NWD2: variants seen among roughly 807,000 people sequenced by gnomAD.
NWD2 encodes NACHT and WD repeat domain containing 2.
NWD2 carries 37 observed loss-of-function variants against 132.7 expected under a neutral mutation model. That is an observed-to-expected ratio of 0.28 (90% CI 0.21 to 0.37). NWD2 has a LOEUF of 0.37. NWD2 is among the 10% of genes least tolerant of loss of function. The probability of loss-of-function intolerance (pLI) is 1.00; values close to 1 mark genes in which losing one functional copy is unlikely to be tolerated. For missense variants in NWD2, 1,592 were observed against 2,122.4 expected, an observed-to-expected ratio of 0.75 and a Z score of 4.91; for synonymous variants, 705 against 803.0, an observed-to-expected ratio of 0.88 and a Z score of 2.06.
At chr4:37,259,377 G>A (rs1440283420) in intron 1 of NWD2, among the ~76,000 whole-genome samples, 4 of 152,112 alleles carry the variant, frequency 2.6e-5, no homozygotes, top group South Asian at 2.1e-4. Flanking sequence ...CAATATTGTG[G>A]TACAGTATTA....
intron 3 of NWD2, among the ~76,000 whole-genome samples, chr4:37,360,774 C>T (rs1298423110): frequency 1.3e-5 from 2 of 152,162 alleles, no homozygotes; most frequent in Non-Finnish European, 2.9e-5. Flanking sequence ...TGCTAATTCT[C>T]TCATTATCTC....
intron 1 of NWD2, among the ~76,000 whole-genome samples, chr4:37,286,828 TCTTAA>T (rs1235763355): frequency 2.6e-5 from 4 of 152,008 alleles, no homozygotes; most frequent in Non-Finnish European, 5.9e-5. Flanking sequence ...TTCTCACAAA[TCTTAA>T]CTTAGTTTAA....
At chr4:37,370,462 G>T (rs1189483450) in intron 3 of NWD2, among the ~76,000 whole-genome samples, 2 of 152,072 alleles carry the variant, frequency 1.3e-5, no homozygotes, top group Non-Finnish European at 2.9e-5. Context: ...TTATTTTCTT[G>T]CCCCAAAATG....
At chr4:37,318,474 T>G (rs948101353) in intron 1 of NWD2, among the ~76,000 whole-genome samples, 1 of 152,192 alleles carries the variant, frequency 6.6e-6, no homozygotes, top group African/African-American at 2.4e-5. Context: ...GGGACACATG[T>G]GCAGGTTTGT....
At chr4:37,318,482 T>C (rs912662687) in intron 1 of NWD2, among the ~76,000 whole-genome samples, 1 of 152,202 alleles carries the variant, frequency 6.6e-6, no homozygotes, top group Non-Finnish European at 1.5e-5. Flanking sequence ...TGTGCAGGTT[T>C]GTTACCTGGG....
chr4:37,267,827 G>A (rs1717788047), intron 1 of NWD2, among the ~76,000 whole-genome samples: 1 of 151,832 alleles, frequency 6.6e-6, no homozygotes, highest in Non-Finnish European at 1.5e-5. Context: ...CTTCATGTCT[G>A]TTGAGGGGGA....
At chr4:37,273,825 T>G (rs1261688021) in intron 1 of NWD2, among the ~76,000 whole-genome samples, 1 of 152,138 alleles carries the variant, frequency 6.6e-6, no homozygotes, top group African/African-American at 2.4e-5. Context: ...TGCTCCTGAA[T>G]GACTACTGGG....
intron 3 of NWD2, among the ~76,000 whole-genome samples, chr4:37,406,379 G>C (rs1721043435): frequency 6.6e-6 from 1 of 151,886 alleles, no homozygotes; most frequent in Admixed American, 6.6e-5. Flanking sequence ...AAGAATTCTT[G>C]CCTTAAAAAA....
rs146743737 is a variant in NWD2, at chr4:37,253,885, G to C, written c.151+8667G>C. Among the ~76,000 whole-genome samples, 682 of 152,262 alleles carry C rather than the reference G, an allele frequency of 4.5e-3. 4 individuals are homozygous for C. Among genetic ancestry groups the C allele is most frequent in the African/African-American group, 0.014 (584 of 41,546 alleles). On this transcript the variant is annotated intron_variant, in intron 1 of 6. Transcript: ENST00000309447. ...TCTACAGAGTAACAGGAAGTAATTAGGTTTGATAAAGTAAGCCTAAGGTTC... is the reference window on the plus strand; with the variant it reads ...TCTACAGAGTAACAGGAAGTAATTACGTTTGATAAAGTAAGCCTAAGGTTC...
At chr4:37,385,419 A>G (rs1259091880) in intron 3 of NWD2, among the ~76,000 whole-genome samples, 1 of 152,180 alleles carries the variant, frequency 6.6e-6, no homozygotes, top group Non-Finnish European at 1.5e-5. Context: ...ATACCCTCCT[A>G]TAACTGGACT....
chr4:37,293,600 C>T (rs183531738), intron 1 of NWD2, among the ~76,000 whole-genome samples: 1 of 152,116 alleles, frequency 6.6e-6, no homozygotes, highest in Admixed American at 6.5e-5. Context: ...TTTTCCCTAG[C>T]CACATACAGT....
chr4:37,254,930 C>A (rs1029905160), intron 1 of NWD2, among the ~76,000 whole-genome samples: 1 of 152,162 alleles, frequency 6.6e-6, no homozygotes, highest in Non-Finnish European at 1.5e-5. Flanking sequence ...TCGGATGAAA[C>A]CACAAAATTG....
rs748037671 is a variant in NWD2, at chr4:37,445,630, C to T, written c.3642C>T (p.Leu1214=). 1.7e-4 allele frequency: 264 copies of T among 1,552,144 alleles called. No individual in the cohort carries two copies. The highest frequency in any genetic ancestry group is 2.2e-4 in the Non-Finnish European group (258 of 1,147,144). ...VLICKALSIE[L]LDTGLWKVAE... is the part of the protein sequence containing the mutation. The stretch of plus-strand genomic sequence containing the variant: ...TCTGTAAAGCCCTCAGCATTGAGCT[C>T]TTAGATACTGGTCTGTGGAAGGTGG... The change falls in exon 7 of 7, where the codon CTC becomes CTT. Residue 1214 remains leucine, a synonymous_variant. Transcript: ENST00000309447. The surrounding 1 kb of genome is among the most constrained non-coding windows in gnomAD (Gnocchi z 4.7).
chr4:37,374,495 T>G (rs1203104301), intron 3 of NWD2, among the ~76,000 whole-genome samples: 1 of 152,162 alleles, frequency 6.6e-6, no homozygotes, highest in Non-Finnish European at 1.5e-5. Flanking sequence ...GTGATGCAGA[T>G]AATACACAAA....
intron 1 of NWD2, among the ~76,000 whole-genome samples, chr4:37,298,182 T>A (rs1560388313): frequency 6.6e-6 from 1 of 152,098 alleles, no homozygotes; most frequent in East Asian, 1.9e-4. Context: ...TTAATAATTT[T>A]TATCTAAGAG....
At chr4:37,337,606 C>T (rs1168140326) in intron 2 of NWD2, among the ~76,000 whole-genome samples, 2 of 152,220 alleles carry the variant, frequency 1.3e-5, no homozygotes, top group Non-Finnish European at 2.9e-5. Context: ...GTCAGCTCTT[C>T]ATTGCTGAGG....
At chr4:37,348,637 C>CATAT (rs370439742) in intron 2 of NWD2, among the ~76,000 whole-genome samples, 36 of 26,542 alleles carry the variant, frequency 1.4e-3, no homozygotes, top group African/African-American at 3.2e-3. Context: ...GTGGTTAATT[C>CATAT]ATATATATAT....
intron 2 of NWD2, among the ~76,000 whole-genome samples, chr4:37,355,061 T>G (rs1871482): frequency 1.3e-5 from 2 of 152,160 alleles, no homozygotes; most frequent in African/African-American, 2.4e-5. Flanking sequence ...TGTATCTCCT[T>G]TGTCCAACAT....
chr4:37,424,562 T>G (rs1402789853), intron 3 of NWD2, among the ~76,000 whole-genome samples: 1 of 152,222 alleles, frequency 6.6e-6, no homozygotes, highest in African/African-American at 2.4e-5. Context: ...CCTGCCTTGC[T>G]TCAGTGATTA....
Sources: gnomAD v4.1 joint callset for allele counts (sites outside exome capture counted in the v4.1 genomes callset) on GRCh38, gnomAD v4.1.1 for gene constraint, Gnocchi (gnomAD v3.1) non-coding constraint, MANE v1.5 for transcripts, NCBI Gene and HGNC (gene_info 2026-07-23, HGNC 2026-07-21) for gene names.